Variants in TCN2 observed in about 807,000 individuals in gnomAD.
TCN2 encodes transcobalamin-2.
TCN2 carries 34 observed loss-of-function variants against 48.6 expected under a neutral mutation model. That is an observed-to-expected ratio of 0.70 (90% CI 0.53 to 0.93). TCN2 has a LOEUF of 0.93. Ranked by LOEUF, TCN2 falls within the 40% of genes least tolerant of loss-of-function variation. The pLI is 0.00. For synonymous variants in TCN2, 283 were observed against 212.5 expected, an observed-to-expected ratio of 1.33 and a Z score of -2.89; for missense variants, 652 against 526.1, an observed-to-expected ratio of 1.24 and a Z score of -2.34.
At chr22:30,612,827 AC>A in intron 2 of TCN2, 45 bp from the exon 3 acceptor site, 1 of 1,610,648 alleles carries the variant, frequency 6.2e-7, no homozygotes, top group Non-Finnish European at 8.5e-7. Flanking sequence ...AAGCAGGCTT[AC>A]GGGGTGGCAG....
At chr22:30,613,187 G>A in intron 3 of TCN2, 145 bp downstream of exon 3, 1 of 1,140,294 alleles carries the variant, frequency 8.8e-7, no homozygotes, top group Non-Finnish European at 1.3e-6. Flanking sequence ...CTACGTAGAG[G>A]CTCGAACCTG....
At chr22:30,608,781 C>G (rs1444204738) in intron 1 of TCN2, among the ~76,000 whole-genome samples, 2 of 152,202 alleles carry the variant, frequency 1.3e-5, no homozygotes, top group African/African-American at 2.4e-5. Context: ...CATGTCCGGA[C>G]AGTCCCCAGG....
chr22:30,626,448 C>G lies in TCN2; in HGVS notation c.1223-12C>G. 6.2e-7 allele frequency: 1 copy of G among 1,614,132 alleles called. No homozygotes were observed. Among genetic ancestry groups the G allele is most frequent in the Non-Finnish European group, 8.5e-7 (1 of 1,180,016 alleles). On this transcript the variant is annotated splice_polypyrimidine_tract_variant and intron_variant, in intron 8 of 8. Coordinates refer to ENST00000215838, the MANE Select transcript of TCN2 (RefSeq NM_000355.4). ...CCCAATTCGCCCCTCCTTGCTCAAT[C>G]TGTTTCTGCAGGTATTGCTGACTAC...
chr22:30,618,749 A>C (rs552533999), intron 7 of TCN2, among the ~76,000 whole-genome samples: 2 of 152,166 alleles, frequency 1.3e-5, no homozygotes, highest in African/African-American at 4.8e-5. Flanking sequence ...AGTAACAGGG[A>C]CTACAGGCAT....
intron 7 of TCN2, among the ~76,000 whole-genome samples, chr22:30,618,231 C>T (rs369388404): frequency 1.3e-4 from 20 of 150,350 alleles, no homozygotes; most frequent in East Asian, 7.8e-4. Flanking sequence ...ATTATAGGTG[C>T]GAGCCATCAT....
chr22:30,619,911 T>C (rs1469615440), intron 7 of TCN2, among the ~76,000 whole-genome samples: 2 of 152,194 alleles, frequency 1.3e-5, no homozygotes, highest in South Asian at 2.1e-4. Flanking sequence ...TCCAGTGATT[T>C]GGGAGGCTGA....
rs1393149063 is a variant in TCN2 at position 30,607,309 on chromosome 22, C to T, written c.-23C>T. Reference sequence around the variant, plus strand: ...AGGAGTCTTTCCCGATTCTTGCTCACTGCTCACCCACCTGCTGCTGCCATG... The same window carrying T: ...AGGAGTCTTTCCCGATTCTTGCTCATTGCTCACCCACCTGCTGCTGCCATG... On this transcript the variant is annotated 5_prime_UTR_variant, in exon 1 of 9. Transcript: ENST00000215838. 2.5e-6 allele frequency: 4 copies of T among 1,614,152 alleles called. No individual in the cohort carries two copies. The highest frequency in any genetic ancestry group is 3.4e-6 in the Non-Finnish European group (4 of 1,180,010).
At chr22:30,618,282 T>C (rs895315382) in intron 7 of TCN2, among the ~76,000 whole-genome samples, 6 of 151,948 alleles carry the variant, frequency 3.9e-5, no homozygotes, top group Non-Finnish European at 5.9e-5. Context: ...GTTTTTTTTT[T>C]TGAGACAGAG....
rs546610147 is a variant in TCN2 at position 30,609,693 on chromosome 22, A to G, written c.65-1178A>G. On this transcript the variant is annotated intron_variant, in intron 1 of 8. Transcript: ENST00000215838. ...GACGGAGAAATGGAGATAGGCACCA[A>G]AAAATGGTTCTCAGTGACAGAAAGG... Among the ~76,000 whole-genome samples, 19 of 152,278 alleles carry G rather than the reference A, an allele frequency of 1.2e-4. No individual in the cohort carries two copies. In the South Asian group the frequency reaches 3.7e-3, roughly 30 times the overall value.
At chr22:30,617,570 G>T in intron 7 of TCN2, 75 bp downstream of exon 7, 8 of 1,598,494 alleles carry the variant, frequency 5.0e-6, no homozygotes, top group Non-Finnish European at 6.8e-6. Flanking sequence ...AAGAGACGGG[G>T]AACAGAGGAG....
rs1474415495 is a variant in TCN2, at chr22:30,610,917, C to T, written c.111C>T (p.His37=). The change falls in exon 2 of 9, where the codon CAC becomes CAT. Residue 37 remains histidine, a synonymous_variant. Transcript: ENST00000215838. ...ATCTGGTAGAGAAGTTGGGCCAGCACCTCTTACCTTGGATGGACCGGCTTT... is the reference window on the plus strand; with the variant it reads ...ATCTGGTAGAGAAGTTGGGCCAGCATCTCTTACCTTGGATGGACCGGCTTT... ...DSHLVEKLGQ[H]LLPWMDRLSL... 6.2e-7 allele frequency: 1 copy of T among 1,614,202 alleles called. No homozygotes were observed. The highest frequency in any genetic ancestry group is 8.5e-7 in the Non-Finnish European group (1 of 1,180,038).
At chr22:30,610,662 C>G (rs1414155702) in intron 1 of TCN2, among the ~76,000 whole-genome samples, 1 of 152,246 alleles carries the variant, frequency 6.6e-6, no homozygotes, top group African/African-American at 2.4e-5. Flanking sequence ...CTGGCTCACT[C>G]CAACTGCTCT....
intron 4 of TCN2, among the ~76,000 whole-genome samples, chr22:30,614,973 A>G (rs953658432): frequency 6.6e-6 from 1 of 152,180 alleles, no homozygotes; most frequent in Non-Finnish European, 1.5e-5. Context: ...AAGTTTGGAA[A>G]TAGGTGGTAT....
At chr22:30,624,449 CT>C (rs527296030) in intron 8 of TCN2, among the ~76,000 whole-genome samples, 200 of 152,224 alleles carry the variant, frequency 1.3e-3, no homozygotes, top group African/African-American at 4.5e-3. Context: ...CCCTGAAGAA[CT>C]TTTATGGGGC....
Position 30,615,806 on chromosome 22 carries a change from G to C in TCN2, c.940+19G>C. The C allele has an allele frequency of 6.2e-7, 1 of 1,614,034 alleles. No homozygotes were observed. The highest frequency in any genetic ancestry group is 8.5e-7 in the Non-Finnish European group (1 of 1,179,950). ...CCACGAGGTAGCCCAACTTTTTGTG[G>C]AAGCACAGCCCTTTACAATCTGCTG... On this transcript the variant is annotated intron_variant, in intron 6 of 8. Transcript: ENST00000215838.
intron 8 of TCN2, among the ~76,000 whole-genome samples, chr22:30,623,907 T>C (rs1489707850): frequency 1.1e-5 from 1 of 88,106 alleles, no homozygotes; most frequent in South Asian, 3.0e-4. Flanking sequence ...TGTATACATA[T>C]ATATACACAC....
chr22:30,622,803 G>T (rs1268231866), intron 7 of TCN2, among the ~76,000 whole-genome samples, 165 bp from the exon 8 acceptor site: 1 of 152,174 alleles, frequency 6.6e-6, no homozygotes, highest in Non-Finnish European at 1.5e-5. Flanking sequence ...GGGGAAGGAG[G>T]TGGAAGTTGA....
intron 1 of TCN2, 137 bp downstream of exon 1, chr22:30,607,532 C>T (rs2087470901): frequency 1.3e-6 from 1 of 799,552 alleles, no homozygotes; most frequent in East Asian, 2.7e-5. Context: ...CAGCATTTAA[C>T]ACATCCTATT....
rs551042963 is a variant in TCN2 at position 30,624,063 on chromosome 22, T to C, written c.1222+980T>C. ...ATATATACACACACACACACACACA[T>C]ATATATATATATATATATTTTTTTT... On this transcript the variant is annotated intron_variant, in intron 8 of 8. Transcript: ENST00000215838. Among the ~76,000 whole-genome samples, 406 of 47,068 alleles carry C rather than the reference T, an allele frequency of 8.6e-3. 127 individuals are homozygous for C. Among genetic ancestry groups the C allele is most frequent in the Middle Eastern group, 0.018 (2 of 112 alleles). 30.9% of individuals were successfully genotyped at this position (47,068 alleles called of 152,430 possible).
Sources: allele counts gnomAD v4.1 joint callset (sites outside exome capture counted in the v4.1 genomes callset), GRCh38; gene constraint gnomAD v4.1.1; transcripts MANE v1.5; gene names NCBI Gene and HGNC (gene_info 2026-07-23, HGNC 2026-07-21).